PCDHGA3: variants seen among roughly 807,000 people sequenced by gnomAD.
PCDHGA3 encodes protocadherin gamma-A3.
A neutral mutation model predicts 58.5 loss-of-function variants in PCDHGA3; 40 were observed. The ratio of observed to expected loss-of-function variants is 0.68; its 90% CI spans 0.53 to 0.89. The LOEUF (loss-of-function observed/expected upper bound fraction) is 0.89, where lower values mean the gene tolerates loss of function less well. PCDHGA3 is among the 40% of genes least tolerant of loss of function. The pLI, the probability that PCDHGA3 is intolerant of heterozygous loss-of-function variation, is 0.00. For synonymous variants in PCDHGA3, 530 were observed against 525.7 expected, an observed-to-expected ratio of 1.01 and a Z score of -0.11; for missense variants, 1,223 against 1,195.9, an observed-to-expected ratio of 1.02 and a Z score of -0.33.
chr5:141,394,740 G>A (rs148904388), intron 1 of PCDHGA3: 174 of 1,613,404 alleles, frequency 1.1e-4, no homozygotes, highest in Non-Finnish European at 1.4e-4. Flanking sequence ...GCAGAGCCTC[G>A]TGGTGGCCGT....
chr5:141,427,723 G>A, intron 1 of PCDHGA3: 1 of 1,127,490 alleles, frequency 8.9e-7, no homozygotes, highest in Non-Finnish European at 1.3e-6. Context: ...CTGGACCTAG[G>A]GCTGAATGGC....
chr5:141,459,992 C>T (rs1327580257), intron 1 of PCDHGA3, among the ~76,000 whole-genome samples: 1 of 152,126 alleles, frequency 6.6e-6, no homozygotes, highest in Admixed American at 6.5e-5. Flanking sequence ...ACAGGAGAAT[C>T]GCTTGAACCC....
intron 1 of PCDHGA3, among the ~76,000 whole-genome samples, chr5:141,482,530 C>CGAAAAAAA (rs2099566141): frequency 1.3e-5 from 1 of 76,562 alleles, no homozygotes; most frequent in African/African-American, 4.8e-5. Context: ...GACAGACATG[C>CGAAAAAAA]AAAAAAAAAA....
At position 141,486,931 on chromosome 5, in the gene PCDHGA3, T is replaced by C. The variant is rs201042803; in HGVS notation, c.2425-7876T>C. 2 of 1,614,258 alleles carry C rather than the reference T, an allele frequency of 1.2e-6. No homozygotes were observed. Among genetic ancestry groups the C allele is most frequent in the East Asian group, 2.2e-5 (1 of 44,876 alleles). ...AAGCACTGCCTCCATCAGTTGGTGC[T>C]GGCCACCTAATCACAAAGGTGACTG... On this transcript the variant is annotated intron_variant, in intron 1 of 3. Coordinates refer to ENST00000253812, the MANE Select transcript of PCDHGA3 (RefSeq NM_018916.4). This position sits in a 1 kb window ranked among gnomAD's most constrained non-coding sequence, Gnocchi z 5.0.
In PCDHGA3 at chr5:141,486,697, C is replaced by T. The variant is rs146956400; in HGVS notation, c.2425-8110C>T. 89 of 1,614,058 alleles carry T rather than the reference C, an allele frequency of 5.5e-5. No homozygotes were observed. Among genetic ancestry groups the T allele is most frequent in the Non-Finnish European group, 7.4e-5 (87 of 1,180,040 alleles). ...GAGATGTATCAGCTTCCTCTTTCAT[C>T]TCTCTGAACCCCCAGACAGGAGCTG... On this transcript the variant is annotated intron_variant, in intron 1 of 3. Coordinates refer to ENST00000253812, the MANE Select transcript of PCDHGA3 (RefSeq NM_018916.4). The surrounding 1 kb of genome is among the most constrained non-coding windows in gnomAD (Gnocchi z 5.0).
At position 141,494,826 on chromosome 5, in the gene PCDHGA3, A is replaced by C; in HGVS notation, c.2444A>C (p.Asp815Ala). The change falls in exon 2 of 4, where the codon GAC becomes GCC. Residue 815 changes from aspartate to alanine, a missense_variant. Asp to Ala is a moderately radical substitution (Grantham distance 126, BLOSUM62 -2). Transcript: ENST00000253812. The part of the protein sequence containing the change: ...NLLQQAPPNT[D>A]WRFSQAQRPG... ...CCACAGCAAGCCCCGCCCAACACGGACTGGCGTTTCTCTCAGGCCCAGAGA... is the reference window on the plus strand; with the variant it reads ...CCACAGCAAGCCCCGCCCAACACGGCCTGGCGTTTCTCTCAGGCCCAGAGA... 4 of 1,613,960 alleles carry C rather than the reference A, an allele frequency of 2.5e-6. No individual in the cohort carries two copies. Among genetic ancestry groups the C allele is most frequent in the Non-Finnish European group, 3.4e-6 (4 of 1,179,976 alleles).
intron 1 of PCDHGA3, chr5:141,399,680 A>T: frequency 6.2e-7 from 1 of 1,613,514 alleles, no homozygotes; most frequent in Non-Finnish European, 8.5e-7. Context: ...GCCTTTGACT[A>T]CGAGCAGCTG....
intron 1 of PCDHGA3, among the ~76,000 whole-genome samples, chr5:141,406,298 T>G (rs2154537368): frequency 6.6e-6 from 1 of 152,178 alleles, no homozygotes; most frequent in East Asian, 1.9e-4. Flanking sequence ...GGGTGAGGTG[T>G]GAACCACCTC....
At chr5:141,408,563 G>T (rs1266893654) in intron 1 of PCDHGA3, 1 of 1,614,040 alleles carries the variant, frequency 6.2e-7, no homozygotes, top group South Asian at 1.1e-5. Flanking sequence ...TCATGTCATT[G>T]TGGTGATTGA....
In PCDHGA3 at chr5:141,477,625, C is replaced by T; in HGVS notation, c.2425-17182C>T. ...TTCTCTTGGAGCAAGGAGCTGAAACCGGGCTAGTGGGTCGCTATTTCACAA... is the reference window on the plus strand; with the variant it reads ...TTCTCTTGGAGCAAGGAGCTGAAACTGGGCTAGTGGGTCGCTATTTCACAA... On this transcript the variant is annotated intron_variant, in intron 1 of 3. Coordinates refer to ENST00000253812, the MANE Select transcript of PCDHGA3 (RefSeq NM_018916.4). This position sits in a 1 kb window ranked among gnomAD's most constrained non-coding sequence, Gnocchi z 4.9. The T allele has an allele frequency of 1.2e-6, 2 of 1,614,200 alleles. No homozygotes were observed. Among genetic ancestry groups the T allele is most frequent in the Non-Finnish European group, 1.7e-6 (2 of 1,180,046 alleles).
At position 141,431,376 on chromosome 5, in the gene PCDHGA3, C is replaced by T. The variant is rs558222633; in HGVS notation, c.2425-63431C>T. The T allele has an allele frequency of 1.2e-6, 2 of 1,613,436 alleles. No homozygotes were observed. Among genetic ancestry groups the T allele is most frequent in the African/African-American group, 2.7e-5 (2 of 75,070 alleles). On this transcript the variant is annotated intron_variant, in intron 1 of 3. Coordinates refer to ENST00000253812, the MANE Select transcript of PCDHGA3 (RefSeq NM_018916.4). The surrounding 1 kb of genome is among the most constrained non-coding windows in gnomAD (Gnocchi z 4.8). Reference sequence around the variant, plus strand: ...CGCGCCCTGGACCGCGAAGAAAAGGCTGCTCACCACCTGGTCCTTACGGCC... The same window carrying T: ...CGCGCCCTGGACCGCGAAGAAAAGGTTGCTCACCACCTGGTCCTTACGGCC...
chr5:141,405,398 CT>C, intron 1 of PCDHGA3: 1 of 1,590,264 alleles, frequency 6.3e-7, no homozygotes, highest in Non-Finnish European at 8.6e-7. Context: ...TTTTTTCTTT[CT>C]TTCTTTTCTT....
In PCDHGA3 at chr5:141,485,865, C is replaced by T. The variant is rs1214425261; in HGVS notation, c.2425-8942C>T. The stretch of plus-strand genomic sequence containing the variant: ...TCTGGCACCGCAGAGCTCCGGGTAT[C>T]CGTGCTGGACGTAAACGACAACGCC... On this transcript the variant is annotated intron_variant, in intron 1 of 3. Transcript: ENST00000253812. The surrounding 1 kb of genome is among the most constrained non-coding windows in gnomAD (Gnocchi z 5.7). 23 of 1,614,182 alleles carry T rather than the reference C, an allele frequency of 1.4e-5. No homozygotes were observed. Among genetic ancestry groups the T allele is most frequent in the Non-Finnish European group, 1.8e-5 (21 of 1,180,034 alleles).
intron 1 of PCDHGA3, chr5:141,392,511 A>C (rs1368500575): frequency 4.2e-6 from 1 of 240,354 alleles, no homozygotes; most frequent in Non-Finnish European, 7.9e-6. Flanking sequence ...TTTTTTTCTC[A>C]GTAATCTAGT....
rs766765576 is a variant in PCDHGA3 at position 141,361,851 on chromosome 5, C to T, written c.2424+15394C>T. 5.6e-6 allele frequency: 9 copies of T among 1,612,474 alleles called. No homozygotes were observed. In the East Asian group the frequency reaches 1.8e-4, roughly 32 times the overall value. The stretch of plus-strand genomic sequence containing the variant: ...ACCCCGCGCTGGGGCCTGATGGCTC[C>T]GCCCTCTTCGATATGGTGCCACGCG... On this transcript the variant is annotated intron_variant, in intron 1 of 3. Coordinates refer to ENST00000253812, the MANE Select transcript of PCDHGA3 (RefSeq NM_018916.4).
intron 2 of PCDHGA3, among the ~76,000 whole-genome samples, chr5:141,502,048 ACTTTATTCC>A (rs1055762924): frequency 6.6e-5 from 10 of 151,746 alleles, no homozygotes; most frequent in African/African-American, 2.4e-4. Context: ...TGCTCTCCCT[ACTTTATTCC>A]CATTAGCCCC....
At chr5:141,378,267 G>C (rs747573302) in intron 1 of PCDHGA3, 4 of 152,292 alleles carry the variant, frequency 2.6e-5, no homozygotes, top group Non-Finnish European at 5.9e-5. Context: ...GCTCATGCCT[G>C]TAATCCCAAC....
intron 1 of PCDHGA3, chr5:141,357,777 C>G: frequency 1.1e-6 from 1 of 905,134 alleles, no homozygotes; most frequent in Non-Finnish European, 1.6e-6. Context: ...CAATAATGAT[C>G]AACAGTATTT....
At chr5:141,366,013 G>T (rs1764261730) in intron 1 of PCDHGA3, 5 of 1,614,102 alleles carry the variant, frequency 3.1e-6, no homozygotes, top group Non-Finnish European at 4.2e-6. Flanking sequence ...ATACGCCTGA[G>T]ATCCTGTACC....
Sources: allele counts gnomAD v4.1 joint callset (sites outside exome capture counted in the v4.1 genomes callset), GRCh38; gene constraint gnomAD v4.1.1; non-coding constraint Gnocchi (gnomAD v3.1); transcripts MANE v1.5; gene names NCBI Gene and HGNC (gene_info 2026-07-23, HGNC 2026-07-21).